PPFIA2: variants seen among roughly 807,000 people sequenced by gnomAD.
PPFIA2 encodes the protein PPFI scaffold protein A2, also known as liprin-alpha-2.
PPFIA2 carries 46 observed loss-of-function variants against 175.5 expected under a neutral mutation model. The observed-to-expected ratio is 0.26, with a 90% CI of 0.21 to 0.34. The LOEUF (loss-of-function observed/expected upper bound fraction) is 0.34, where lower values mean the gene tolerates loss of function less well. Among genes scored for constraint, PPFIA2 ranks in the 10% least tolerant of loss-of-function variants. PPFIA2 has a pLI of 1.00. For missense variants in PPFIA2, 1,179 were observed against 1,506.1 expected, an observed-to-expected ratio of 0.78 and a Z score of 3.60; for synonymous variants, 568 against 511.4, an observed-to-expected ratio of 1.11 and a Z score of -1.49.
chr12:81,273,072 G>C (rs372226623), intron 28 of PPFIA2, among the ~76,000 whole-genome samples: 1 of 152,166 alleles, frequency 6.6e-6, no homozygotes, highest in African/African-American at 2.4e-5. Context: ...TGGTGGTTAT[G>C]ACCTTTGATT....
chr12:81,393,913 TG>T (rs1566628558), intron 8 of PPFIA2, among the ~76,000 whole-genome samples: 1 of 152,038 alleles, frequency 6.6e-6, no homozygotes, highest in South Asian at 2.1e-4. Flanking sequence ...TCACTACTGC[TG>T]GTGGAACTAG....
chr12:81,683,999 G>T (rs1235431901), intron 3 of PPFIA2, among the ~76,000 whole-genome samples: 1 of 152,022 alleles, frequency 6.6e-6, no homozygotes, highest in African/African-American at 2.4e-5. Flanking sequence ...CCAAGGGAGG[G>T]CATTAATCTA....
chr12:81,345,623 A>C (rs1595204319), intron 18 of PPFIA2, among the ~76,000 whole-genome samples: 1 of 152,166 alleles, frequency 6.6e-6, no homozygotes, highest in East Asian at 1.9e-4. Flanking sequence ...TGTGTTGTAA[A>C]AATGTCAGAA....
chr12:81,645,044 C>G (rs2065872537), intron 4 of PPFIA2, among the ~76,000 whole-genome samples: 2 of 151,890 alleles, frequency 1.3e-5, no homozygotes, highest in South Asian at 4.1e-4. Flanking sequence ...TAAAGAAAAG[C>G]TAGAATATAA....
intron 4 of PPFIA2, among the ~76,000 whole-genome samples, chr12:81,510,303 G>A (rs1383170742): frequency 6.6e-6 from 1 of 152,000 alleles, no homozygotes; most frequent in African/African-American, 2.4e-5. Flanking sequence ...CATTTCTCAT[G>A]AGCTCCTGTA....
Position 81,562,672 on chromosome 12 carries a change from C to G in PPFIA2, c.304-104806G>C, listed in dbSNP as rs1180979307. 2.0e-5 allele frequency among the ~76,000 whole-genome samples: 3 copies of G among 150,266 alleles called. No individual in the cohort carries two copies. The East Asian group carries it at 5.9e-4, about 29-fold the overall frequency. On this transcript the variant is annotated intron_variant, in intron 4 of 32. Coordinates refer to ENST00000549396, the MANE Select transcript of PPFIA2 (RefSeq NM_003625.5). ...ACCATCCCGGCTAAAACGGTGAAACCCCGTCTCTACTAAAAATACAAAAAA... is the reference window on the plus strand; with the variant it reads ...ACCATCCCGGCTAAAACGGTGAAACGCCGTCTCTACTAAAAATACAAAAAA...
At chr12:81,410,416 T>A (rs1050915366) in intron 7 of PPFIA2, among the ~76,000 whole-genome samples, 2 of 152,070 alleles carry the variant, frequency 1.3e-5, no homozygotes, top group African/African-American at 4.8e-5. Flanking sequence ...GCTGATACCC[T>A]TGCTGGAATC....
At chr12:81,527,677 G>C (rs2063894779) in intron 4 of PPFIA2, among the ~76,000 whole-genome samples, 1 of 152,044 alleles carries the variant, frequency 6.6e-6, no homozygotes, top group Non-Finnish European at 1.5e-5. Flanking sequence ...CTGATGGACT[G>C]AATTCTTATG....
intron 7 of PPFIA2, among the ~76,000 whole-genome samples, chr12:81,429,023 C>T (rs1300739905): frequency 6.6e-6 from 1 of 152,144 alleles, no homozygotes; most frequent in African/African-American, 2.4e-5. Flanking sequence ...AACAAAAAAT[C>T]TCTTTTATCT....
intron 23 of PPFIA2, among the ~76,000 whole-genome samples, chr12:81,297,089 A>G (rs1005354448): frequency 2.0e-5 from 3 of 152,160 alleles, no homozygotes; most frequent in Admixed American, 6.5e-5. Context: ...CCATATGACA[A>G]GGAACTAATG....
At chr12:81,492,078 A>G (rs2059479519) in intron 4 of PPFIA2, among the ~76,000 whole-genome samples, 1 of 152,040 alleles carries the variant, frequency 6.6e-6, no homozygotes, top group Non-Finnish European at 1.5e-5. Context: ...AGGCAGAAAG[A>G]GTTTTGTGTG....
At chr12:81,707,119 T>C (rs1386322618) in intron 3 of PPFIA2, among the ~76,000 whole-genome samples, 1 of 152,152 alleles carries the variant, frequency 6.6e-6, no homozygotes, top group Non-Finnish European at 1.5e-5. Context: ...GGGAAAGGAC[T>C]TCATGTCTAA....
Position 81,622,713 on chromosome 12 carries a change from T to C in PPFIA2, c.303+54078A>G, listed in dbSNP as rs543160610. ...TGGAAGTACTCAGAGAAGGTTTACA[T>C]AGTATTCAGGGAAAACCTGAACCCA... On this transcript the variant is annotated intron_variant, in intron 4 of 32. Transcript: ENST00000549396. 2.1e-3 allele frequency among the ~76,000 whole-genome samples: 327 copies of C among 152,264 alleles called. 1 individual carries two copies. Among genetic ancestry groups the C allele is most frequent in the Non-Finnish European group, 3.8e-3 (257 of 68,006 alleles).
intron 11 of PPFIA2, chr12:81,369,418 A>T: frequency 7.3e-7 from 1 of 1,369,194 alleles, no homozygotes; most frequent in African/African-American, 1.5e-5. Context: ...GTTATTTATG[A>T]GCAATGAAAT....
intron 4 of PPFIA2, among the ~76,000 whole-genome samples, chr12:81,473,137 G>A (rs188879115): frequency 0.011 from 1,647 of 152,286 alleles, 25 homozygotes; most frequent in Non-Finnish European, 0.019. Flanking sequence ...GCCGGGTGCG[G>A]TGACTCACGC....
At chr12:81,681,606 T>C (rs1179782104) in intron 3 of PPFIA2, among the ~76,000 whole-genome samples, 1 of 151,896 alleles carries the variant, frequency 6.6e-6, no homozygotes, top group Non-Finnish European at 1.5e-5. Context: ...GGCATATTTT[T>C]CCCTTGACAA....
intron 7 of PPFIA2, among the ~76,000 whole-genome samples, chr12:81,409,282 C>G (rs1419609859): frequency 2.6e-5 from 4 of 152,146 alleles, no homozygotes; most frequent in African/African-American, 9.7e-5. Context: ...GGATGCCTCA[C>G]CACTAAACAA....
intron 4 of PPFIA2, among the ~76,000 whole-genome samples, chr12:81,658,663 G>A (rs1241099180): frequency 6.6e-6 from 1 of 151,820 alleles, no homozygotes; most frequent in African/African-American, 2.4e-5. Context: ...ATATATGTGT[G>A]TGTATATGTG....
rs117453847 is a variant in PPFIA2, at chr12:81,389,793, A to G, written c.763-5549T>C. 1.2e-3 allele frequency among the ~76,000 whole-genome samples: 184 copies of G among 152,228 alleles called. 1 individual carries two copies. Among genetic ancestry groups the G allele is most frequent in the South Asian group, 7.9e-3 (38 of 4,826 alleles). On this transcript the variant is annotated intron_variant, in intron 8 of 32. Transcript: ENST00000549396. ...GTCAGTACTTATTTTAAGCAGCTCT[A>G]CTGGGATATAATTTACACGCCATAA...
Sources: allele counts gnomAD v4.1 joint callset (sites outside exome capture counted in the v4.1 genomes callset), GRCh38; gene constraint gnomAD v4.1.1; transcripts MANE v1.5; gene names NCBI Gene and HGNC (gene_info 2026-07-23, HGNC 2026-07-21).